Variants in COL6A5 observed in about 807,000 individuals in gnomAD.
COL6A5 encodes collagen type VI alpha 5 chain.
Under a neutral mutation model 65.6 loss-of-function variants are expected in COL6A5, and 48 were observed. The ratio of observed to expected loss-of-function variants is 0.73; its 90% CI spans 0.58 to 0.93. COL6A5 has a LOEUF of 0.93. COL6A5 is among the 40% of genes least tolerant of loss of function. The probability of loss-of-function intolerance (pLI) is 0.00; values close to 1 mark genes in which losing one functional copy is unlikely to be tolerated. For synonymous variants in COL6A5, 291 were observed against 322.8 expected, an observed-to-expected ratio of 0.90 and a Z score of 1.05; for missense variants, 914 against 928.3, an observed-to-expected ratio of 0.98 and a Z score of 0.20.
chr3:130,477,478 C>T (rs951745695), intron 7 of COL6A5: 1 of 162,104 alleles, frequency 6.2e-6, no homozygotes, highest in Non-Finnish European at 1.3e-5. Flanking sequence ...TTATAAAGTA[C>T]ATTTTCAAGA....
intron 18 of COL6A5, among the ~76,000 whole-genome samples, chr3:130,409,645 C>G (rs1167294821): frequency 6.6e-6 from 1 of 152,118 alleles, no homozygotes; most frequent in Non-Finnish European, 1.5e-5. Context: ...TATTGGACTT[C>G]TAATCTTGCA....
intron 29 of COL6A5, among the ~76,000 whole-genome samples, chr3:130,425,266 G>A (rs1317751545): frequency 1.3e-5 from 2 of 152,136 alleles, no homozygotes; most frequent in East Asian, 3.9e-4. Context: ...AGGCCACATA[G>A]ACATTCAGCA....
intron 7 of COL6A5, among the ~76,000 whole-genome samples, 171 bp from the exon 41 acceptor site, chr3:130,483,864 C>T (rs1337911781): frequency 6.6e-6 from 1 of 152,076 alleles, no homozygotes; most frequent in African/African-American, 2.4e-5. Context: ...ATACATTGCT[C>T]ATTTATATCT....
chr3:130,349,760 A>G (rs953448665), intron 1 of COL6A5, among the ~76,000 whole-genome samples: 11 of 152,230 alleles, frequency 7.2e-5, no homozygotes, highest in African/African-American at 2.2e-4. Flanking sequence ...AATTATGATT[A>G]TATTCAGCTG....
chr3:130,436,132 A>C (rs1709029022), intron 1 of COL6A5, among the ~76,000 whole-genome samples: 1 of 152,014 alleles, frequency 6.6e-6, no homozygotes, highest in African/African-American at 2.4e-5. Context: ...TTCTCTGTAG[A>C]GTATATCTTT....
intron 14 of COL6A5, 107 bp from the exon 15 acceptor site, chr3:130,405,886 A>G (rs1936971020): frequency 8.9e-7 from 1 of 1,125,234 alleles, no homozygotes; most frequent in Non-Finnish European, 1.3e-6. Flanking sequence ...GTAGATGTAT[A>G]GCCCGAAGCG....
At chr3:130,377,335 C>A (rs575224513) in intron 3 of COL6A5, among the ~76,000 whole-genome samples, 1 of 152,186 alleles carries the variant, frequency 6.6e-6, no homozygotes, top group African/African-American at 2.4e-5. Flanking sequence ...TGAATTAATA[C>A]GTGAGGATCT....
chr3:130,465,150 A>G (rs1709785213), intron 5 of COL6A5, among the ~76,000 whole-genome samples: 1 of 152,102 alleles, frequency 6.6e-6, no homozygotes, highest in Non-Finnish European at 1.5e-5. Context: ...TGTTTTCAGG[A>G]CATGGTACAA....
chr3:130,362,044 A>G (rs1037098262), intron 1 of COL6A5, among the ~76,000 whole-genome samples: 2 of 151,892 alleles, frequency 1.3e-5, no homozygotes, highest in Admixed American at 1.3e-4. Context: ...TTCATAAAGC[A>G]TGACATTTTA....
At chr3:130,366,643 C>G (rs1324941182) in intron 1 of COL6A5, among the ~76,000 whole-genome samples, 1 of 152,164 alleles carries the variant, frequency 6.6e-6, no homozygotes, top group African/African-American at 2.4e-5. Context: ...ATATCAAGGG[C>G]TTTTGTATAT....
chr3:130,425,607 C>T (rs546714403), intron 29 of COL6A5, among the ~76,000 whole-genome samples: 3 of 152,286 alleles, frequency 2.0e-5, no homozygotes, highest in African/African-American at 7.2e-5. Context: ...CCTGATTCAA[C>T]TCACCAAAGT....
intron 5 of COL6A5, among the ~76,000 whole-genome samples, chr3:130,387,218 C>CT (rs2107648848): frequency 6.6e-6 from 1 of 152,086 alleles, no homozygotes; most frequent in Non-Finnish European, 1.5e-5. Context: ...TTTCTCATAC[C>CT]TTTTGGTTAA....
At chr3:130,440,095 T>C in intron 2 of COL6A5, 71 bp from the exon 35 acceptor site, 1 of 1,228,794 alleles carries the variant, frequency 8.1e-7, no homozygotes, top group South Asian at 1.5e-5. Flanking sequence ...ACTGAGTCAC[T>C]TGAAGATCTC....
chr3:130,479,170 A>G (rs1336428270), intron 7 of COL6A5, among the ~76,000 whole-genome samples: 1 of 151,940 alleles, frequency 6.6e-6, no homozygotes, highest in Non-Finnish European at 1.5e-5. Flanking sequence ...CAGTGTCCTT[A>G]TAATAAAGGA....
At chr3:130,423,771 G>T in intron 28 of COL6A5, 67 bp from the exon 29 acceptor site, 1 of 1,238,642 alleles carries the variant, frequency 8.1e-7, no homozygotes, top group South Asian at 1.5e-5. Flanking sequence ...AAGTCTTATC[G>T]AAACTGAAGT....
chr3:130,460,741 G>A (rs902917350), intron 5 of COL6A5, among the ~76,000 whole-genome samples: 1 of 151,928 alleles, frequency 6.6e-6, no homozygotes, highest in Non-Finnish European at 1.5e-5. Flanking sequence ...GGTAGGGATG[G>A]TGGTGGTGGT....
chr3:130,365,417 A>G (rs192285404), intron 1 of COL6A5, among the ~76,000 whole-genome samples: 1 of 152,136 alleles, frequency 6.6e-6, no homozygotes, highest in Non-Finnish European at 1.5e-5. Flanking sequence ...AGCTGGGACT[A>G]CAGGCGCCCG....
chr3:130,389,106 A>G (rs572296707), exon 6 of COL6A5: 2 of 1,441,548 alleles, frequency 1.4e-6, no homozygotes, highest in Non-Finnish European at 1.8e-6. Context: ...TAGAAAGGAA[A>G]CTTATCTTTC....
chr3:130,479,240 T>G (rs750469890), intron 7 of COL6A5, among the ~76,000 whole-genome samples: 1 of 150,400 alleles, frequency 6.6e-6, no homozygotes, highest in Non-Finnish European at 1.5e-5. Flanking sequence ...GCACCACGTT[T>G]GAACCAGAAA....
Sources: allele counts gnomAD v4.1 joint callset (sites outside exome capture counted in the v4.1 genomes callset), GRCh38; gene constraint gnomAD v4.1.1; transcripts MANE v1.5; gene names NCBI Gene and HGNC (gene_info 2026-07-23, HGNC 2026-07-21).